The following FLVCR2 variants were observed in gnomAD, a reference collection of about 807,000 sequenced individuals.
The protein encoded by FLVCR2 is FLVCR choline and putative heme transporter 2.
In FLVCR2, 38 loss-of-function variants were observed where a neutral mutation model predicts 48.9. The observed-to-expected ratio is 0.78, with a 90% CI of 0.60 to 1.02. The LOEUF is 1.02. Ranked by LOEUF, FLVCR2 falls within the 50% of genes least tolerant of loss-of-function variation. FLVCR2 has a pLI of 0.00. For missense variants in FLVCR2, 664 were observed against 663.3 expected, an observed-to-expected ratio of 1.00 and a Z score of -0.01; for synonymous variants, 255 against 257.0, an observed-to-expected ratio of 0.99 and a Z score of 0.07.
intron 2 of FLVCR2, among the ~76,000 whole-genome samples, chr14:75,623,311 G>A (rs1330787731): frequency 6.6e-6 from 1 of 152,034 alleles, no homozygotes; most frequent in East Asian, 1.9e-4. Flanking sequence ...TTATATCCAT[G>A]TACATTTAAT....
At position 75,596,118 on chromosome 14, in the gene FLVCR2, G is replaced by A; in HGVS notation, c.669+16477G>A. The A allele has an allele frequency of 1.5e-5, 14 of 912,896 alleles. No individual in the cohort carries two copies. In the South Asian group the frequency reaches 1.7e-4, roughly 11 times the overall value. The allele number at this position is 912,896 out of a possible 1,614,324, so 56.5% of individuals were successfully genotyped here. A position where few individuals can be genotyped will look rare whatever the true frequency, so the allele number is the denominator to read the frequency against. ...TGTCTTAGGCACTGTTGCCTTCCCA[G>A]GGTGAAGGATATCAATGACTGTTTG... is the stretch of plus-strand genomic sequence containing the variant. On this transcript the variant is annotated intron_variant, in intron 1 of 9. Transcript: ENST00000238667.
intron 1 of FLVCR2, chr14:75,605,546 A>G (rs1188025086): frequency 2.6e-6 from 4 of 1,535,756 alleles, no homozygotes; most frequent in East Asian, 2.4e-5. Flanking sequence ...CCCCAACACA[A>G]TTCAAGACGC....
Position 75,646,567 on chromosome 14 carries a change from T to G in FLVCR2, c.*95T>G. 2 of 869,344 alleles carry G rather than the reference T, an allele frequency of 2.3e-6. No homozygotes were observed. Among genetic ancestry groups the G allele is most frequent in the Non-Finnish European group, 3.9e-6 (2 of 516,722 alleles). 53.9% of individuals were successfully genotyped at this position (869,344 alleles called of 1,614,324 possible). ...GCACAAAGGGCTTCGCTAGAGATGTTTTTGGAGGGAATCAGTGGGACTATT... is the reference window on the plus strand; with the variant it reads ...GCACAAAGGGCTTCGCTAGAGATGTGTTTGGAGGGAATCAGTGGGACTATT... On this transcript the variant is annotated 3_prime_UTR_variant, in exon 10 of 10. Transcript: ENST00000238667.
At chr14:75,620,887 C>G (rs1248840935) in intron 1 of FLVCR2, among the ~76,000 whole-genome samples, 1 of 152,208 alleles carries the variant, frequency 6.6e-6, no homozygotes, top group Non-Finnish European at 1.5e-5. Flanking sequence ...CAAATTGTTT[C>G]TTTACCTGTA....
At chr14:75,638,872 G>A (rs1462160841) in intron 5 of FLVCR2, among the ~76,000 whole-genome samples, 1 of 152,152 alleles carries the variant, frequency 6.6e-6, no homozygotes, top group East Asian at 1.9e-4. Flanking sequence ...ATCATCATCT[G>A]TCAGTGTCCA....
At chr14:75,588,077 T>C (rs78923860) in intron 1 of FLVCR2, among the ~76,000 whole-genome samples, 17,946 of 152,272 alleles carry the variant, frequency 0.12, 1,936 homozygotes, top group African/African-American at 0.28. Context: ...AGCAGCCGCA[T>C]TAAAGATGTA....
intron 1 of FLVCR2, among the ~76,000 whole-genome samples, chr14:75,621,367 C>T (rs1444906061): frequency 6.7e-6 from 1 of 150,318 alleles, no homozygotes; most frequent in African/African-American, 2.5e-5. Context: ...GAGATTGCGC[C>T]ACTGCACTCC....
intron 3 of FLVCR2, among the ~76,000 whole-genome samples, chr14:75,630,011 T>A (rs1449703257): frequency 6.6e-6 from 1 of 152,196 alleles, no homozygotes; most frequent in African/African-American, 2.4e-5. Context: ...CCTGGGAGCT[T>A]TGCCGAGGTC....
chr14:75,618,253 C>T (rs114446353), intron 1 of FLVCR2, among the ~76,000 whole-genome samples: 60 of 152,244 alleles, frequency 3.9e-4, no homozygotes, highest in African/African-American at 1.4e-3. Context: ...AGTATCTCCC[C>T]AACTCCCTTG....
At chr14:75,620,428 C>T (rs1889734009) in intron 1 of FLVCR2, among the ~76,000 whole-genome samples, 1 of 152,222 alleles carries the variant, frequency 6.6e-6, no homozygotes, top group Non-Finnish European at 1.5e-5. Context: ...AGTCACAGAG[C>T]TCAATTAACC....
intron 1 of FLVCR2, among the ~76,000 whole-genome samples, chr14:75,620,672 G>A (rs914219325): frequency 3.9e-5 from 6 of 152,294 alleles, no homozygotes; most frequent in East Asian, 3.9e-4. Flanking sequence ...AGCAGAGTAC[G>A]TTTTAAAGAT....
intron 1 of FLVCR2, among the ~76,000 whole-genome samples, chr14:75,602,294 A>G (rs1365053911): frequency 1.3e-5 from 2 of 152,002 alleles, no homozygotes; most frequent in African/African-American, 4.8e-5. Context: ...CGAATCCATG[A>G]TCTTTCTGGT....
intron 2 of FLVCR2, among the ~76,000 whole-genome samples, chr14:75,624,084 G>A (rs1452495212): frequency 3.3e-5 from 5 of 151,524 alleles, no homozygotes; most frequent in East Asian, 1.9e-4. Flanking sequence ...TAATCAGTCC[G>A]GGTGCGGTGG....
At chr14:75,612,048 C>T (rs968716010) in intron 1 of FLVCR2, among the ~76,000 whole-genome samples, 3 of 152,086 alleles carry the variant, frequency 2.0e-5, no homozygotes, top group Non-Finnish European at 2.9e-5. Context: ...ATGCCAATTT[C>T]CTCCACTTTA....
intron 1 of FLVCR2, among the ~76,000 whole-genome samples, chr14:75,591,874 T>G (rs10136022): frequency 0.39 from 56,950 of 146,754 alleles, 13,044 homozygotes; most frequent in East Asian, 0.64. Context: ...AGTGCAGTGG[T>G]GTGATCACAG....
chr14:75,613,047 T>G (rs1268575043), intron 1 of FLVCR2, among the ~76,000 whole-genome samples: 4 of 152,170 alleles, frequency 2.6e-5, no homozygotes, highest in Admixed American at 6.5e-5. Flanking sequence ...CTTTGTGGTG[T>G]TTCAATGCAC....
At position 75,589,080 on chromosome 14, in the gene FLVCR2, G is replaced by A. The variant is rs183067185; in HGVS notation, c.669+9439G>A. On this transcript the variant is annotated intron_variant, in intron 1 of 9. Transcript: ENST00000238667. ...TTTTTAAAAAAAGAAGCTGTGCATG[G>A]TTGCACATGCCTGTAGTCCCAGCTA... Among the ~76,000 whole-genome samples, 689 of 152,064 alleles carry A rather than the reference G, an allele frequency of 4.5e-3. 10 individuals are homozygous for A. In the South Asian group the frequency reaches 0.06, roughly 13 times the overall value.
At chr14:75,584,312 C>A in intron 1 of FLVCR2, among the ~76,000 whole-genome samples, 1 of 152,284 alleles carries the variant, frequency 6.6e-6, no homozygotes, top group South Asian at 2.1e-4. Context: ...ACCTTGAAGG[C>A]GAGGTTGATT....
At position 75,632,747 on chromosome 14, in the gene FLVCR2, TAGAA is replaced by T. The variant is rs1890076099; in HGVS notation, c.953-878_953-875del. 4 of 702,336 alleles carry T rather than the reference TAGAA, an allele frequency of 5.7e-6. No individual in the cohort carries two copies. The East Asian group carries it at 8.0e-5, about 14-fold the overall frequency. 43.5% of individuals were successfully genotyped at this position (702,336 alleles called of 1,614,324 possible). ...GTGAGCCTCAATGTTTAGTTAAAGT[TAGAA>T]AGACCCCCGGTGGGCATTATGGAGT... On this transcript the variant is annotated intron_variant, in intron 3 of 9. Transcript: ENST00000238667.
Sources: gnomAD v4.1 joint callset for allele counts (sites outside exome capture counted in the v4.1 genomes callset) on GRCh38, gnomAD v4.1.1 for gene constraint, MANE v1.5 for transcripts, NCBI Gene and HGNC (gene_info 2026-07-23, HGNC 2026-07-21) for gene names.